The following NDFIP1 variants were observed in gnomAD, a reference collection of about 807,000 sequenced individuals.
NDFIP1 encodes the protein NEDD4 family-interacting protein 1.
NDFIP1 carries 7 observed loss-of-function variants against 28.8 expected under a neutral mutation model. The ratio of observed to expected loss-of-function variants is 0.24; its 90% CI spans 0.14 to 0.46. The LOEUF (loss-of-function observed/expected upper bound fraction) is 0.46, where lower values mean the gene tolerates loss of function less well. Ranked by LOEUF, NDFIP1 falls within the 20% of genes least tolerant of loss-of-function variation. The probability of loss-of-function intolerance (pLI) is 0.99; values close to 1 mark genes in which losing one functional copy is unlikely to be tolerated. For synonymous variants in NDFIP1, 92 were observed against 101.0 expected (o/e 0.91, Z 0.53); for missense variants, 194 against 269.1 (o/e 0.72, Z 1.95).
At chr5:142,118,684 C>T (rs1018432742) in intron 1 of NDFIP1, among the ~76,000 whole-genome samples, 3 of 152,170 alleles carry the variant, frequency 2.0e-5, no homozygotes, top group African/African-American at 7.2e-5. Context: ...TAACACCTCG[C>T]TGAGGGCCAA....
intron 1 of NDFIP1, among the ~76,000 whole-genome samples, chr5:142,117,748 A>C (rs1456161663): frequency 4.5e-5 from 1 of 22,364 alleles, no homozygotes; most frequent in African/African-American, 2.7e-4. Context: ...TTTTTTTTTG[A>C]GACAGGGCCT....
At chr5:142,118,887 T>C (rs960192556) in intron 1 of NDFIP1, among the ~76,000 whole-genome samples, 5 of 152,180 alleles carry the variant, frequency 3.3e-5, no homozygotes, top group African/African-American at 1.2e-4. Context: ...ACTTCCATAC[T>C]TTTTGGCACT....
intron 1 of NDFIP1, 125 bp from the exon 2 acceptor site, chr5:142,131,683 G>A: frequency 9.6e-6 from 6 of 627,196 alleles, no homozygotes; most frequent in Non-Finnish European, 1.6e-5. Context: ...AAGGATTTGT[G>A]CATTTCAAGG....
In NDFIP1 at chr5:142,109,019, C is replaced by T. The variant is rs1482979680; in HGVS notation, c.45C>T (p.Cys15=). The T allele has an allele frequency of 7.7e-6, 11 of 1,436,646 alleles. No homozygotes were observed. The highest frequency in any genetic ancestry group is 1.0e-5 in the Non-Finnish European group (11 of 1,096,840). 89.0% of individuals were successfully genotyped at this position (1,436,646 alleles called of 1,614,324 possible). A position where few individuals can be genotyped will look rare whatever the true frequency, so the allele number is the denominator to read the frequency against. The change falls in exon 1 of 8, where the codon TGC becomes TGT. Residue 15 remains cysteine, a synonymous_variant. Coordinates refer to ENST00000253814, the MANE Select transcript of NDFIP1 (RefSeq NM_030571.4). ...LAALAAVEPA[C]GSRYQQLQNE... ...CGCTGGCGGCGGTCGAGCCGGCCTGCGGCAGCCGGTACCAGCAGGTAAGCG... is the reference window on the plus strand; with the variant it reads ...CGCTGGCGGCGGTCGAGCCGGCCTGTGGCAGCCGGTACCAGCAGGTAAGCG...
In NDFIP1 at chr5:142,132,357, C is replaced by T; in HGVS notation, c.282+15C>T. On this transcript the variant is annotated intron_variant, in intron 3 of 7. Coordinates refer to ENST00000253814, the MANE Select transcript of NDFIP1 (RefSeq NM_030571.4). ...TTCCTGGGAGAGTGAGTATAATTTG[C>T]CATGTTACTTGATGGCTGCTCTGTG... 6.2e-7 allele frequency: 1 copy of T among 1,603,698 alleles called. No individual in the cohort carries two copies. The highest frequency in any genetic ancestry group is 1.1e-5 in the South Asian group (1 of 88,160).
intron 3 of NDFIP1, among the ~76,000 whole-genome samples, chr5:142,134,838 G>A (rs1174325594): frequency 3.3e-5 from 5 of 152,210 alleles, no homozygotes; most frequent in African/African-American, 9.7e-5. Context: ...GATAAGGTTA[G>A]AAGTGAGATT....
rs7725800 is a variant in NDFIP1, at chr5:142,146,579, C to A, written c.*2+1903C>A. On this transcript the variant is annotated intron_variant, in intron 7 of 7. Coordinates refer to ENST00000253814, the MANE Select transcript of NDFIP1 (RefSeq NM_030571.4). ...ATTTTCCCTCTAATACATTGACACC[C>A]AAGATATACTGAGGGGACAGATTTC... Among the ~76,000 whole-genome samples, 407 of 152,232 alleles carry A rather than the reference C, an allele frequency of 2.7e-3. 2 individuals carry two copies. Among genetic ancestry groups the A allele is most frequent in the African/African-American group, 9.4e-3 (389 of 41,540 alleles).
At chr5:142,120,319 G>A (rs982726741) in intron 1 of NDFIP1, among the ~76,000 whole-genome samples, 3 of 152,062 alleles carry the variant, frequency 2.0e-5, no homozygotes, top group East Asian at 1.9e-4. Context: ...GCCCAATCTC[G>A]TCTGTTTATA....
intron 7 of NDFIP1, among the ~76,000 whole-genome samples, chr5:142,149,434 C>CTTTTTTTTTT (rs10684292): frequency 8.7e-6 from 1 of 114,712 alleles, no homozygotes; most frequent in African/African-American, 3.4e-5. Flanking sequence ...TATTGGATTC[C>CTTTTTTTTTT]TTTTTTTTTT....
chr5:142,149,432 TC>T (rs1757423262), intron 7 of NDFIP1, among the ~76,000 whole-genome samples: 3 of 122,396 alleles, frequency 2.5e-5, no homozygotes, highest in African/African-American at 3.4e-5. Flanking sequence ...GCTATTGGAT[TC>T]CTTTTTTTTT....
chr5:142,136,451 A>T (rs1757275810), intron 4 of NDFIP1, among the ~76,000 whole-genome samples: 1 of 152,188 alleles, frequency 6.6e-6, no homozygotes, highest in African/African-American at 2.4e-5. Flanking sequence ...TATATAACAC[A>T]CACAGTAAAA....
At chr5:142,124,899 C>G (rs1757155793) in intron 1 of NDFIP1, among the ~76,000 whole-genome samples, 2 of 151,974 alleles carry the variant, frequency 1.3e-5, no homozygotes, top group South Asian at 4.1e-4. Context: ...AATCTCGGCT[C>G]ACTGCAAGCT....
intron 1 of NDFIP1, among the ~76,000 whole-genome samples, chr5:142,112,118 C>CCTGT (rs1200280413): frequency 6.6e-6 from 1 of 152,036 alleles, no homozygotes; most frequent in African/African-American, 2.4e-5. Context: ...GTGGCTCATG[C>CCTGT]CTGTAATCCC....
chr5:142,137,373 A>G (rs749681068), intron 4 of NDFIP1, among the ~76,000 whole-genome samples: 11 of 151,470 alleles, frequency 7.3e-5, no homozygotes, highest in Non-Finnish European at 1.6e-4. Flanking sequence ...TTTTGTAGAG[A>G]TGGGTCTCAC....
intron 6 of NDFIP1, among the ~76,000 whole-genome samples, chr5:142,141,230 C>T (rs1757326703): frequency 8.2e-6 from 1 of 121,246 alleles, no homozygotes; most frequent in African/African-American, 3.2e-5. Context: ...GGCTGGAGTG[C>T]AGTGGCGTGA....
intron 1 of NDFIP1, among the ~76,000 whole-genome samples, chr5:142,126,884 A>G (rs1191412093): frequency 6.6e-6 from 1 of 152,170 alleles, no homozygotes; most frequent in Non-Finnish European, 1.5e-5. Context: ...GTTTGTTTCT[A>G]TTAGAATTAG....
chr5:142,116,352 T>TCCTTCTTTCTCTCTCTCTC (rs1561597776), intron 1 of NDFIP1, among the ~76,000 whole-genome samples: 4 of 116,272 alleles, frequency 3.4e-5, no homozygotes, highest in African/African-American at 1.7e-4. Flanking sequence ...CCTTCCTTCT[T>TCCTTCTTTCTCTCTCTCTC]TCTCTCTCTC....
At chr5:142,146,363 G>A (rs758135571) in intron 7 of NDFIP1, among the ~76,000 whole-genome samples, 2 of 152,196 alleles carry the variant, frequency 1.3e-5, no homozygotes, top group African/African-American at 2.4e-5. Flanking sequence ...CTTTGTTTAT[G>A]TCTAGAACAT....
intron 7 of NDFIP1, among the ~76,000 whole-genome samples, chr5:142,148,761 A>G (rs1234035516): frequency 6.8e-6 from 1 of 146,554 alleles, no homozygotes; most frequent in Non-Finnish European, 1.5e-5. Context: ...AAAAAAAAAA[A>G]AAAAAAAAAA....
Sources: gnomAD v4.1 joint callset for allele counts (sites outside exome capture counted in the v4.1 genomes callset) on GRCh38, gnomAD v4.1.1 for gene constraint, MANE v1.5 for transcripts, NCBI Gene and HGNC (gene_info 2026-07-23, HGNC 2026-07-21) for gene names.